Variants in PLA2G4A observed in about 807,000 individuals in gnomAD.
PLA2G4A encodes the protein cytosolic phospholipase A2.
In PLA2G4A, 40 loss-of-function variants were observed where a neutral mutation model predicts 81.9. The ratio of observed to expected loss-of-function variants is 0.49; its 90% confidence interval spans 0.38 to 0.64. The LOEUF is 0.64. Ranked by LOEUF, PLA2G4A falls within the 30% of genes least tolerant of loss-of-function variation. PLA2G4A has a pLI of 0.00. For synonymous variants in PLA2G4A, 302 were observed against 296.9 expected, an observed-to-expected ratio of 1.02 and a Z score of -0.18; for missense variants, 715 against 905.1, an observed-to-expected ratio of 0.79 and a Z score of 2.69.
intron 3 of PLA2G4A, among the ~76,000 whole-genome samples, chr1:186,886,022 A>G (rs1398136981): frequency 6.6e-6 from 1 of 152,146 alleles, no homozygotes; most frequent in African/African-American, 2.4e-5. Context: ...TGAAAAGCAA[A>G]TGACCAAGAG....
chr1:186,870,635 A>G (rs1653227215), intron 3 of PLA2G4A, 119 bp downstream of exon 3: 2 of 1,212,192 alleles, frequency 1.6e-6, no homozygotes, highest in African/African-American at 1.5e-5. Context: ...GTTTGTCTAG[A>G]TCTTTGAATG....
intron 2 of PLA2G4A, among the ~76,000 whole-genome samples, chr1:186,861,687 C>T (rs886283384): frequency 6.6e-6 from 1 of 152,028 alleles, no homozygotes; most frequent in East Asian, 1.9e-4. Flanking sequence ...AAGTCATCCC[C>T]CAAACTTGAC....
chr1:186,873,081 C>T (rs1019410416), intron 3 of PLA2G4A, among the ~76,000 whole-genome samples: 3 of 151,076 alleles, frequency 2.0e-5, no homozygotes, highest in South Asian at 2.1e-4. Flanking sequence ...GCACAAGAGT[C>T]GGGAAGAGAC....
chr1:186,979,846 C>A (rs1440479544), intron 17 of PLA2G4A, among the ~76,000 whole-genome samples: 1 of 149,414 alleles, frequency 6.7e-6, no homozygotes, highest in Non-Finnish European at 1.5e-5. Context: ...AGTTAATCTG[C>A]AAAAATATAA....
chr1:186,918,553 G>A (rs530466435), intron 7 of PLA2G4A, among the ~76,000 whole-genome samples: 6 of 152,238 alleles, frequency 3.9e-5, no homozygotes, highest in Admixed American at 2.0e-4. Flanking sequence ...AGTTACCACC[G>A]CATATCCTGC....
At chr1:186,916,234 G>T (rs72709863) in intron 7 of PLA2G4A, among the ~76,000 whole-genome samples, 1 of 152,250 alleles carries the variant, frequency 6.6e-6, no homozygotes, top group Non-Finnish European at 1.5e-5. Flanking sequence ...GATTCCTAAG[G>T]TCACACGCTC....
chr1:186,915,181 A>C (rs1456309675), intron 7 of PLA2G4A, among the ~76,000 whole-genome samples: 3 of 152,104 alleles, frequency 2.0e-5, no homozygotes, highest in African/African-American at 7.2e-5. Context: ...CTATGTCTTC[A>C]ACTACTTGCC....
chr1:186,875,075 T>C (rs540654312), intron 3 of PLA2G4A, among the ~76,000 whole-genome samples: 185 of 152,046 alleles, frequency 1.2e-3, no homozygotes, highest in African/African-American at 4.2e-3. Context: ...GTTTGGGGAG[T>C]AGATTCCGAA....
At position 186,988,649 on chromosome 1, in the gene PLA2G4A, C is replaced by A; in HGVS notation, c.*141C>A. On this transcript the variant is annotated 3_prime_UTR_variant, in exon 18 of 18. Transcript: ENST00000367466. ...ACTCAAAGTTGCAGTTACTTAGCTG[C>A]ATGAGAATAATACTATTATAAGTTA... 1 of 707,294 alleles carries A rather than the reference C, an allele frequency of 1.4e-6. No homozygotes were observed. Among genetic ancestry groups the A allele is most frequent in the Non-Finnish European group, 2.6e-6 (1 of 390,028 alleles). The allele number at this position is 707,294 out of a possible 1,614,324, so 43.8% of individuals were successfully genotyped here.
chr1:186,871,179 T>C (rs1653254081), intron 3 of PLA2G4A, among the ~76,000 whole-genome samples: 1 of 152,182 alleles, frequency 6.6e-6, no homozygotes, highest in South Asian at 2.1e-4. Context: ...TAGGACAGCC[T>C]GAAATGATGC....
At chr1:186,877,705 CAAAAAAAAAAAAAAA>C (rs58954006) in intron 3 of PLA2G4A, among the ~76,000 whole-genome samples, 1 of 86,914 alleles carries the variant, frequency 1.2e-5, no homozygotes, top group Non-Finnish European at 2.0e-5. Context: ...GGCTTACTCA[CAAAAAAAAAAAAAAA>C]AAAAAAAAAA....
chr1:186,835,576 C>T (rs1271912965), intron 1 of PLA2G4A, among the ~76,000 whole-genome samples: 1 of 152,116 alleles, frequency 6.6e-6, no homozygotes, highest in Non-Finnish European at 1.5e-5. Flanking sequence ...TACCACAAAC[C>T]TCAAACAGGT....
intron 13 of PLA2G4A, among the ~76,000 whole-genome samples, chr1:186,953,353 A>G (rs900888092): frequency 2.0e-5 from 3 of 152,222 alleles, no homozygotes; most frequent in African/African-American, 7.2e-5. Context: ...CTTATCTGCT[A>G]TCTGTATATC....
chr1:186,843,750 G>A (rs1027325077), intron 1 of PLA2G4A, among the ~76,000 whole-genome samples: 2 of 152,150 alleles, frequency 1.3e-5, no homozygotes, highest in South Asian at 4.1e-4. Flanking sequence ...TATCTCCAAC[G>A]TCATGGCCTT....
intron 3 of PLA2G4A, among the ~76,000 whole-genome samples, chr1:186,879,974 T>TG (rs1653668447): frequency 6.6e-6 from 1 of 151,980 alleles, no homozygotes; most frequent in Non-Finnish European, 1.5e-5. Flanking sequence ...TATCTCCTAA[T>TG]GCTATCCCTC....
intron 1 of PLA2G4A, among the ~76,000 whole-genome samples, chr1:186,831,746 A>G (rs1034665260): frequency 5.3e-5 from 8 of 152,266 alleles, no homozygotes; most frequent in African/African-American, 1.9e-4. Flanking sequence ...TTTAAAATGT[A>G]ATTCAATCAT....
At chr1:186,846,033 A>G (rs932333281) in intron 1 of PLA2G4A, among the ~76,000 whole-genome samples, 1 of 152,220 alleles carries the variant, frequency 6.6e-6, no homozygotes, top group African/African-American at 2.4e-5. Flanking sequence ...ATAAGAAACA[A>G]AGGAATAGAA....
intron 1 of PLA2G4A, among the ~76,000 whole-genome samples, chr1:186,831,990 A>G (rs1651607438): frequency 6.6e-6 from 1 of 152,092 alleles, no homozygotes; most frequent in Admixed American, 6.5e-5. Flanking sequence ...TTGTATTCAC[A>G]TATTTAACAA....
At chr1:186,868,381 T>A (rs1653115360) in intron 2 of PLA2G4A, among the ~76,000 whole-genome samples, 4 of 152,100 alleles carry the variant, frequency 2.6e-5, no homozygotes, top group African/African-American at 9.7e-5. Context: ...CCCCGCCCGG[T>A]GTCTAATTCT....
Sources: allele counts gnomAD v4.1 joint callset (sites outside exome capture counted in the v4.1 genomes callset), GRCh38; gene constraint gnomAD v4.1.1; transcripts MANE v1.5; gene names NCBI Gene and HGNC (gene_info 2026-07-23, HGNC 2026-07-21).